Variants in MCC observed in about 807,000 individuals in gnomAD.
The protein encoded by MCC is MCC regulator of Wnt signaling pathway, also known as colorectal mutant cancer protein.
In MCC, 90 loss-of-function variants were observed where a neutral mutation model predicts 116.2. The ratio of observed to expected loss-of-function variants is 0.77; its 90% CI spans 0.65 to 0.92. MCC has a LOEUF of 0.92. Ranked by LOEUF, MCC falls within the 40% of genes least tolerant of loss-of-function variation. The pLI, the probability that MCC is intolerant of heterozygous loss-of-function variation, is 0.00. For synonymous variants in MCC, 578 were observed against 510.5 expected (o/e 1.13, Z -1.78); for missense variants, 1,516 against 1,312.2 (o/e 1.16, Z -2.40).
chr5:113,406,291 A>G (rs1769831894), intron 1 of MCC, among the ~76,000 whole-genome samples: 1 of 152,198 alleles, frequency 6.6e-6, no homozygotes, highest in Non-Finnish European at 1.5e-5. Context: ...CTTCCAGCTG[A>G]AGGAAAGACA....
chr5:113,340,949 G>C (rs1383077031), intron 2 of MCC, among the ~76,000 whole-genome samples: 1 of 152,134 alleles, frequency 6.6e-6, no homozygotes, highest in African/African-American at 2.4e-5. Flanking sequence ...AAAAACAACT[G>C]TCCCATGAAT....
At chr5:113,477,610 TGAG>T (rs1017432652) in intron 1 of MCC, among the ~76,000 whole-genome samples, 4 of 152,066 alleles carry the variant, frequency 2.6e-5, no homozygotes, top group African/African-American at 7.2e-5. Context: ...CTCACCGAGT[TGAG>T]GAGAGAGAGA....
chr5:113,254,098 CAG>C (rs1303418537), intron 3 of MCC, among the ~76,000 whole-genome samples: 4 of 152,098 alleles, frequency 2.6e-5, no homozygotes, highest in Non-Finnish European at 5.9e-5. Flanking sequence ...AATGAGAAAA[CAG>C]AGTCTCCAAA....
At chr5:113,126,907 A>T (rs1758084522) in intron 5 of MCC, among the ~76,000 whole-genome samples, 1 of 152,100 alleles carries the variant, frequency 6.6e-6, no homozygotes, top group African/African-American at 2.4e-5. Flanking sequence ...TCATGAGTAC[A>T]TGTGAGGGTT....
chr5:113,433,648 G>A, intron 1 of MCC: 2 of 1,451,120 alleles, frequency 1.4e-6, no homozygotes, highest in Non-Finnish European at 1.9e-6. Flanking sequence ...ATCTGGGACT[G>A]CCTTCCTTCT....
At chr5:113,125,742 T>C (rs2150272869) in intron 5 of MCC, among the ~76,000 whole-genome samples, 1 of 152,330 alleles carries the variant, frequency 6.6e-6, no homozygotes, top group East Asian at 1.9e-4. Flanking sequence ...TTTTGAGTTG[T>C]GCTTCTGCAG....
chr5:113,179,519 A>C (rs1179855117), intron 3 of MCC, among the ~76,000 whole-genome samples: 1 of 152,218 alleles, frequency 6.6e-6, no homozygotes, highest in Admixed American at 6.5e-5. Context: ...TCTGGCTGCC[A>C]TTGTGGTTGT....
intron 3 of MCC, among the ~76,000 whole-genome samples, chr5:113,247,496 A>C (rs936709314): frequency 2.6e-5 from 4 of 152,244 alleles, no homozygotes; most frequent in Non-Finnish European, 4.4e-5. Flanking sequence ...ATAGTTACTA[A>C]AGATTTCTAC....
At chr5:113,298,673 C>A (rs1453710174) in intron 3 of MCC, among the ~76,000 whole-genome samples, 1 of 152,090 alleles carries the variant, frequency 6.6e-6, no homozygotes, top group East Asian at 1.9e-4. Flanking sequence ...ATGAGATTAG[C>A]TTTGGAGTAG....
chr5:113,107,363 G>A (rs574786552), intron 6 of MCC, among the ~76,000 whole-genome samples: 3 of 152,078 alleles, frequency 2.0e-5, no homozygotes, highest in Middle Eastern at 3.4e-3. Flanking sequence ...GATTACAGGC[G>A]TGTGCCACCA....
At chr5:113,084,896 A>T (rs1755098162) in intron 9 of MCC, among the ~76,000 whole-genome samples, 2 of 152,016 alleles carry the variant, frequency 1.3e-5, no homozygotes, top group South Asian at 2.1e-4. Flanking sequence ...AAAACGTCTC[A>T]CTCTCCATAA....
At chr5:113,266,122 CTG>C (rs1162925680) in intron 3 of MCC, among the ~76,000 whole-genome samples, 2 of 152,088 alleles carry the variant, frequency 1.3e-5, no homozygotes, top group African/African-American at 2.4e-5. Context: ...CTAGGAAAAA[CTG>C]TTGTTCTTTT....
At chr5:113,353,974 G>C (rs1768347116) in intron 2 of MCC, among the ~76,000 whole-genome samples, 1 of 152,162 alleles carries the variant, frequency 6.6e-6, no homozygotes, top group South Asian at 2.1e-4. Flanking sequence ...TCCACTGAGA[G>C]TCAATATCAG....
At chr5:113,122,981 A>G (rs956060196) in intron 5 of MCC, among the ~76,000 whole-genome samples, 155 bp from the exon 6 acceptor site, 4 of 152,218 alleles carry the variant, frequency 2.6e-5, no homozygotes, top group African/African-American at 7.2e-5. Flanking sequence ...CGAAATAGAT[A>G]GTCACATCTA....
At chr5:113,151,220 T>G in intron 4 of MCC, 89 bp downstream of exon 4, 4 of 755,888 alleles carry the variant, frequency 5.3e-6, no homozygotes, top group Non-Finnish European at 8.8e-6. Context: ...ATTTGTTTTG[T>G]GGGAATTTCT....
intron 2 of MCC, among the ~76,000 whole-genome samples, chr5:113,371,890 C>G (rs759473627): frequency 6.6e-6 from 1 of 152,150 alleles, no homozygotes; most frequent in Non-Finnish European, 1.5e-5. Context: ...ATGGAATAGT[C>G]TGGCCAAATT....
At chr5:113,454,244 A>G (rs1771479654) in intron 1 of MCC, among the ~76,000 whole-genome samples, 1 of 152,204 alleles carries the variant, frequency 6.6e-6, no homozygotes, top group African/African-American at 2.4e-5. Context: ...AGCTGGGACC[A>G]CAGGCATTTG....
At chr5:113,269,726 T>G (rs982803064) in intron 3 of MCC, among the ~76,000 whole-genome samples, 1 of 152,194 alleles carries the variant, frequency 6.6e-6, no homozygotes, top group South Asian at 2.1e-4. Context: ...CAGCTGCCCT[T>G]GGTAATGTTC....
At chr5:113,039,720 C>G (rs951448333) in intron 17 of MCC, among the ~76,000 whole-genome samples, 3 of 147,672 alleles carry the variant, frequency 2.0e-5, no homozygotes, top group African/African-American at 5.0e-5. Flanking sequence ...CGCCCCCCCC[C>G]CCAACCCACC....
Sources: allele counts gnomAD v4.1 joint callset (sites outside exome capture counted in the v4.1 genomes callset), GRCh38; gene constraint gnomAD v4.1.1; transcripts MANE v1.5; gene names NCBI Gene and HGNC (gene_info 2026-07-23, HGNC 2026-07-21).